Variants in CTNNA3 observed in about 807,000 individuals in gnomAD.
CTNNA3 encodes the protein catenin alpha 3, also known as catenin alpha-3.
Under a neutral mutation model 95.7 loss-of-function variants are expected in CTNNA3, and 76 were observed. That is an observed-to-expected ratio of 0.79 (90% CI 0.66 to 0.96). The LOEUF (loss-of-function observed/expected upper bound fraction) is 0.96, where lower values mean the gene tolerates loss of function less well. Ranked by LOEUF, CTNNA3 falls within the 40% of genes least tolerant of loss-of-function variation. The pLI is 0.00. For missense variants in CTNNA3, 1,191 were observed against 1,089.8 expected (o/e 1.09, Z -1.31); for synonymous variants, 431 against 374.4 (o/e 1.15, Z -1.74).
intron 11 of CTNNA3, among the ~76,000 whole-genome samples, chr10:66,514,172 A>C (rs1464075472): frequency 6.6e-6 from 1 of 152,196 alleles, no homozygotes; most frequent in Non-Finnish European, 1.5e-5. Context: ...CCTGGGGCCA[A>C]ACACATTAAA....
chr10:66,033,287 C>T lies in CTNNA3; in HGVS notation c.2159+36021G>A, dbSNP rs540736412. On this transcript the variant is annotated intron_variant, in intron 15 of 17. Transcript: ENST00000433211. Reference sequence around the variant, plus strand: ...CTGGGACTACAGGCGCCCACCACCACGCCCGGCTAATTTTGTTTTTTGTAT... The same window carrying T: ...CTGGGACTACAGGCGCCCACCACCATGCCCGGCTAATTTTGTTTTTTGTAT... 1.7e-4 allele frequency among the ~76,000 whole-genome samples: 26 copies of T among 151,604 alleles called. No homozygotes were observed. The South Asian group carries it at 4.4e-3, about 26-fold the overall frequency.
At chr10:66,325,166 A>G (rs1379101863) in intron 12 of CTNNA3, among the ~76,000 whole-genome samples, 1 of 152,076 alleles carries the variant, frequency 6.6e-6, no homozygotes, top group East Asian at 1.9e-4. Flanking sequence ...AGGAGTGCAA[A>G]TACACTTAAC....
At chr10:66,874,808 A>G (rs1295148245) in intron 7 of CTNNA3, among the ~76,000 whole-genome samples, 1 of 152,194 alleles carries the variant, frequency 6.6e-6, no homozygotes, top group African/African-American at 2.4e-5. Context: ...ACATTTCTTT[A>G]CCTGCTGTGT....
chr10:67,275,124 C>T (rs1839138262), intron 5 of CTNNA3, among the ~76,000 whole-genome samples: 1 of 152,124 alleles, frequency 6.6e-6, no homozygotes, highest in Non-Finnish European at 1.5e-5. Context: ...GCATATGGTC[C>T]TTGCTAAGTG....
At chr10:66,685,206 C>T (rs5785779) in intron 9 of CTNNA3, among the ~76,000 whole-genome samples, 5 of 116,898 alleles carry the variant, frequency 4.3e-5, no homozygotes, top group South Asian at 2.8e-4. Context: ...TATATATATA[C>T]GTATATATAT....
chr10:66,415,439 C>T (rs1302357398), intron 11 of CTNNA3, among the ~76,000 whole-genome samples: 1 of 152,128 alleles, frequency 6.6e-6, no homozygotes, highest in Non-Finnish European at 1.5e-5. Context: ...AGGGTTGTCA[C>T]ACCACTGCCA....
chr10:67,668,058 C>G (rs568825814), intron 1 of CTNNA3, among the ~76,000 whole-genome samples: 2 of 152,186 alleles, frequency 1.3e-5, no homozygotes, highest in East Asian at 3.9e-4. Flanking sequence ...CTTTACTTTT[C>G]AGCTCTGAGT....
At chr10:67,484,661 T>G (rs1397962350) in intron 5 of CTNNA3, among the ~76,000 whole-genome samples, 3 of 152,142 alleles carry the variant, frequency 2.0e-5, no homozygotes, top group Admixed American at 6.6e-5. Flanking sequence ...CAGACACTTC[T>G]CAAAAGAAGA....
At chr10:66,078,101 C>T (rs2133631195) in intron 14 of CTNNA3, among the ~76,000 whole-genome samples, 1 of 151,972 alleles carries the variant, frequency 6.6e-6, no homozygotes, top group Admixed American at 6.6e-5. Context: ...CAAGTACTTC[C>T]TTCTGAGGCA....
chr10:66,631,304 T>A (rs1044299496), intron 9 of CTNNA3, among the ~76,000 whole-genome samples: 15 of 152,156 alleles, frequency 9.9e-5, no homozygotes, highest in African/African-American at 3.4e-4. Flanking sequence ...GATAACAAAA[T>A]TAGACAGAAA....
At chr10:66,599,568 A>C (rs1843846083) in intron 10 of CTNNA3, among the ~76,000 whole-genome samples, 1 of 151,970 alleles carries the variant, frequency 6.6e-6, no homozygotes, top group Admixed American at 6.6e-5. Context: ...TTCTGAAAAA[A>C]TACAGTAACA....
At chr10:66,982,509 T>G (rs1373665796) in intron 7 of CTNNA3, among the ~76,000 whole-genome samples, 1 of 152,152 alleles carries the variant, frequency 6.6e-6, no homozygotes, top group Non-Finnish European at 1.5e-5. Flanking sequence ...GTTACTTCAA[T>G]TTTTGAAAGG....
chr10:67,539,370 C>T (rs1840589134), intron 4 of CTNNA3, 133 bp downstream of exon 4: 1 of 908,098 alleles, frequency 1.1e-6, no homozygotes, highest in Non-Finnish European at 1.7e-6. Flanking sequence ...ACAACCCAGT[C>T]TAGTCTGCTT....
intron 9 of CTNNA3, among the ~76,000 whole-genome samples, chr10:66,653,772 G>A (rs7894741): frequency 0.66 from 100,138 of 151,638 alleles, 33,976 homozygotes; most frequent in East Asian, 0.95. Flanking sequence ...CCAATGGAAT[G>A]GAATAGACAG....
At chr10:67,353,121 C>CA (rs1311642049) in intron 5 of CTNNA3, among the ~76,000 whole-genome samples, 3 of 152,012 alleles carry the variant, frequency 2.0e-5, no homozygotes, top group Non-Finnish European at 4.4e-5. Context: ...CTTTAGACAA[C>CA]ATATTCACCT....
rs540595539 is a variant in CTNNA3, at chr10:66,330,216, C to A, written c.1732+48936G>T. ...TATATCTCCTAATGCTATCCCTCCCCCCCTCTCCCCACCCCACAACAGGCC... is the reference window on the plus strand; with the variant it reads ...TATATCTCCTAATGCTATCCCTCCCACCCTCTCCCCACCCCACAACAGGCC... On this transcript the variant is annotated intron_variant, in intron 12 of 17. Coordinates refer to ENST00000433211, the MANE Select transcript of CTNNA3 (RefSeq NM_013266.4). Among the ~76,000 whole-genome samples, 201 of 151,798 alleles carry A rather than the reference C, an allele frequency of 1.3e-3. 2 individuals carry two copies. The highest frequency in any genetic ancestry group is 4.8e-3 in the African/African-American group (198 of 41,444).
intron 5 of CTNNA3, among the ~76,000 whole-genome samples, chr10:67,277,658 A>C (rs1386315997): frequency 6.6e-6 from 1 of 152,132 alleles, no homozygotes; most frequent in South Asian, 2.1e-4. Flanking sequence ...GATAAAACAG[A>C]TTGGGGTAAA....
intron 5 of CTNNA3, among the ~76,000 whole-genome samples, chr10:67,325,056 T>G (rs1206391878): frequency 2.0e-4 from 30 of 152,182 alleles, no homozygotes; most frequent in African/African-American, 7.0e-4. Flanking sequence ...CTGATTGTTA[T>G]TTGTATTTCT....
At chr10:66,373,154 G>T (rs2092766672) in intron 12 of CTNNA3, among the ~76,000 whole-genome samples, 1 of 151,984 alleles carries the variant, frequency 6.6e-6, no homozygotes, top group African/African-American at 2.4e-5. Flanking sequence ...ATGTCAAAAA[G>T]GTGAGAAAAG....
Sources: gnomAD v4.1 joint callset for allele counts (sites outside exome capture counted in the v4.1 genomes callset) on GRCh38, gnomAD v4.1.1 for gene constraint, MANE v1.5 for transcripts, NCBI Gene and HGNC (gene_info 2026-07-23, HGNC 2026-07-21) for gene names.